The following ETV4 variants were observed in gnomAD, a reference collection of about 807,000 sequenced individuals.
ETV4 encodes ETS variant transcription factor 4, also known as ETS translocation variant 4.
A neutral mutation model predicts 65.9 loss-of-function variants in ETV4; 42 were observed. The observed-to-expected ratio is 0.64, with a 90% CI of 0.50 to 0.82. The LOEUF is 0.82. ETV4 is among the 40% of genes least tolerant of loss of function. The probability of loss-of-function intolerance (pLI) is 0.00; values close to 1 mark genes in which losing one functional copy is unlikely to be tolerated. For missense variants in ETV4, 583 were observed against 630.3 expected (o/e 0.92, Z 0.80); for synonymous variants, 238 against 260.0 (o/e 0.92, Z 0.81).
chr17:43,542,003 A>G (rs969616321), intron 4 of ETV4, among the ~76,000 whole-genome samples: 2 of 152,166 alleles, frequency 1.3e-5, no homozygotes, highest in African/African-American at 4.8e-5. Flanking sequence ...TCACTCTTGC[A>G]GCAGCAAGAC....
intron 4 of ETV4, among the ~76,000 whole-genome samples, chr17:43,537,784 G>A (rs1971321585): frequency 6.6e-6 from 1 of 152,078 alleles, no homozygotes; most frequent in South Asian, 2.1e-4. Flanking sequence ...CACGAGGTCA[G>A]GAGTTTGAGA....
In ETV4 at chr17:43,545,920, C is replaced by G. The variant is rs1033254129; in HGVS notation, c.-51-252G>C. ...TCTGCAGCCCTGCTTTACCCGGGCTCGGTTACATAAGAACGTGTGTGTGTG... is the reference window on the plus strand; with the variant it reads ...TCTGCAGCCCTGCTTTACCCGGGCTGGGTTACATAAGAACGTGTGTGTGTG... On this transcript the variant is annotated intron_variant, in intron 1 of 12. Transcript: ENST00000319349. 2.5e-5 allele frequency: 13 copies of G among 526,360 alleles called. No homozygotes were observed. The African/African-American group carries it at 2.6e-4, about 10-fold the overall frequency. The allele number at this position is 526,360 out of a possible 1,614,324, so 32.6% of individuals were successfully genotyped here.
chr17:43,529,912 A>G lies in ETV4; in HGVS notation c.927T>C (p.Asp309=), dbSNP rs2154587033. The change falls in exon 10 of 13, where the codon GAT becomes GAC. Residue 309 remains aspartate, a synonymous_variant. Coordinates refer to ENST00000319349, the MANE Select transcript of ETV4 (RefSeq NM_001079675.5). ...CAAATTTCTCAGGGACAACGCAGAC[A>G]TCATCTGGGAATGGTCGCAGAGGTT... ...YEKPLRPFPD[D]VCVVPEKFEG... 4 of 1,614,136 alleles carry G rather than the reference A, an allele frequency of 2.5e-6. No homozygotes were observed. In the East Asian group the frequency reaches 8.9e-5, roughly 36 times the overall value.
intron 2 of ETV4, 44 bp from the exon 3 acceptor site, chr17:43,545,411 T>C (rs779453944): frequency 1.3e-6 from 2 of 1,510,092 alleles, no homozygotes; most frequent in South Asian, 1.2e-5. Flanking sequence ...CCTGAGGCGC[T>C]TAGTCTGGGG....
At chr17:43,534,924 A>G (rs1223088747) in intron 5 of ETV4, among the ~76,000 whole-genome samples, 1 of 152,224 alleles carries the variant, frequency 6.6e-6, no homozygotes, top group Non-Finnish European at 1.5e-5. Context: ...CTGGGCAACA[A>G]GAGTGAAACT....
At chr17:43,533,047 G>T (rs1017026410) in intron 7 of ETV4, 108 bp from the exon 8 acceptor site, 2 of 1,495,394 alleles carry the variant, frequency 1.3e-6, no homozygotes, top group African/African-American at 1.4e-5. Context: ...GGGGGTAGGG[G>T]GTTGGGGTGT....
At chr17:43,534,100 C>G (rs1412935672) in intron 5 of ETV4, 115 bp from the exon 6 acceptor site, 2 of 1,158,784 alleles carry the variant, frequency 1.7e-6, no homozygotes, top group Non-Finnish European at 2.3e-6. Flanking sequence ...CAGCCTCCTT[C>G]CCTCTCTGGG....
rs918089102 is a variant in ETV4 at position 43,528,526 on chromosome 17, G to A, written c.1448C>T (p.Ser483Phe). The A allele has an allele frequency of 6.2e-7, 1 of 1,606,378 alleles. No individual in the cohort carries two copies. The highest frequency in any genetic ancestry group is 1.7e-5 in the Admixed American group (1 of 59,492). ...GGGAACAGCCGCTGGGGGCTAGTAA[G>A]AGTAGCCACCCTTGGGGCCAAATGG... ...AQPFGPKGGY[S>F]Y Residue 483 changes from serine (S) to phenylalanine (F), a missense_variant, in exon 13 of 13, where the codon TCT (serine) becomes TTT (phenylalanine). Ser to Phe is a radical substitution (Grantham distance 155). Transcript: ENST00000319349.
At chr17:43,546,018 C>T (rs1971808024) in intron 1 of ETV4, 167 bp downstream of exon 1, 1 of 244,454 alleles carries the variant, frequency 4.1e-6, no homozygotes, top group Admixed American at 5.3e-5. Flanking sequence ...AAGCGCACAC[C>T]ATCGCATGCC....
At chr17:43,535,153 G>T (rs936029825) in intron 5 of ETV4, among the ~76,000 whole-genome samples, 4 of 152,212 alleles carry the variant, frequency 2.6e-5, no homozygotes, top group African/African-American at 9.7e-5. Flanking sequence ...AGTTTTAACC[G>T]CAGTCCAGTC....
Position 43,529,894 on chromosome 17 carries a change from C to G in ETV4, c.945G>C (p.Glu315Asp). The G allele has an allele frequency of 6.2e-7, 1 of 1,614,162 alleles. No homozygotes were observed. The highest frequency in any genetic ancestry group is 8.5e-7 in the Non-Finnish European group (1 of 1,180,028). Residue 315 changes from glutamate (E) to aspartate (D), a missense_variant, in exon 10 of 13, where the codon GAG becomes GAC. Coordinates refer to ENST00000319349, the MANE Select transcript of ETV4 (RefSeq NM_001079675.5). ...AGTCACTTCTCTGACCTTCAAATTTCTCAGGGACAACGCAGACATCATCTG... is the reference window on the plus strand; with the variant it reads ...AGTCACTTCTCTGACCTTCAAATTTGTCAGGGACAACGCAGACATCATCTG... ...PFPDDVCVVP[E>D]KFEGDIKQEG...
intron 4 of ETV4, chr17:43,544,661 A>G (rs1354503207): frequency 1.2e-5 from 3 of 254,894 alleles, no homozygotes; most frequent in Non-Finnish European, 2.3e-5. Context: ...TACAAATGAA[A>G]ATTTCAACCA....
intron 5 of ETV4, among the ~76,000 whole-genome samples, chr17:43,535,521 C>T (rs1470412076): frequency 1.3e-5 from 2 of 152,152 alleles, no homozygotes; most frequent in African/African-American, 2.4e-5. Context: ...ATGTGATCCA[C>T]GCGCCTCAGC....
chr17:43,534,109 G>A, intron 5 of ETV4, 124 bp from the exon 6 acceptor site: 1 of 1,088,256 alleles, frequency 9.2e-7, no homozygotes, highest in Non-Finnish European at 1.2e-6. Context: ...TCCCTCTCTG[G>A]GTATCAATTT....
intron 3 of ETV4, 74 bp from the exon 4 acceptor site, chr17:43,545,096 G>A: frequency 6.7e-7 from 1 of 1,489,966 alleles, no homozygotes; most frequent in Non-Finnish European, 9.4e-7. Flanking sequence ...GCAAGACCCG[G>A]TGACTCCCCT....
chr17:43,528,438 T>C lies in ETV4; in HGVS notation c.*81A>G. The C allele has an allele frequency of 2.0e-6, 2 of 988,384 alleles. No individual in the cohort carries two copies. The highest frequency in any genetic ancestry group is 3.0e-6 in the Non-Finnish European group (2 of 672,618). 61.2% of individuals were successfully genotyped at this position (988,384 alleles called of 1,614,324 possible). ...CCCAGAGACATCTGTGGGTTTCAGATGAAGGTTTCCCCAACACCAGATTCA... is the reference window on the plus strand; with the variant it reads ...CCCAGAGACATCTGTGGGTTTCAGACGAAGGTTTCCCCAACACCAGATTCA... On this transcript the variant is annotated 3_prime_UTR_variant, in exon 13 of 13. Transcript: ENST00000319349.
intron 9 of ETV4, 21 bp from the exon 10 acceptor site, chr17:43,529,973 T>C (rs1182544049): frequency 1.9e-6 from 3 of 1,613,662 alleles, no homozygotes; most frequent in Non-Finnish European, 2.5e-6. Context: ...AAATTGGGGG[T>C]TGCTCAGATC....
chr17:43,528,707 C>T lies in ETV4; in HGVS notation c.1267G>A (p.Glu423Lys), dbSNP rs1304464107. ...GCCAAAGAGAAGAGGGCCTCGGGCTCACACACAAACTTGTACACGTAACGC... is the reference window on the plus strand; with the variant it reads ...GCCAAAGAGAAGAGGGCCTCGGGCTTACACACAAACTTGTACACGTAACGC... ...GERYVYKFVC[E>K]PEALFSLAFP... The change falls in exon 13 of 13, where the codon GAG (glutamate) becomes AAG (lysine). Residue 423 changes from glutamate (E) to lysine (K), a missense_variant. By Grantham distance (56) the Glu-to-Lys change is moderately conservative. Coordinates refer to ENST00000319349, the MANE Select transcript of ETV4 (RefSeq NM_001079675.5). 6.2e-7 allele frequency: 1 copy of T among 1,614,150 alleles called. No individual in the cohort carries two copies. Among genetic ancestry groups the T allele is most frequent in the South Asian group, 1.1e-5 (1 of 91,084 alleles).
Position 43,544,988 on chromosome 17 carries a change from CG to C in ETV4, c.188del (p.Thr63SerfsTer24). On this transcript the variant is annotated frameshift_variant, in exon 4 of 13. Transcript: ENST00000319349. LOFTEE classifies it high-confidence loss of function. ...LFQDLSHFQE[T>X]WLAEAQVPDS... ...AAAACTACTCACCTTCAGCGAGCCA[CG>C]TCTCCTGGAAGTGACTTAGATCCTG... The C allele has an allele frequency of 6.2e-7, 1 of 1,613,978 alleles. No homozygotes were observed. The highest frequency in any genetic ancestry group is 8.5e-7 in the Non-Finnish European group (1 of 1,179,978).
Sources: gnomAD v4.1 joint callset for allele counts (sites outside exome capture counted in the v4.1 genomes callset) on GRCh38, gnomAD v4.1.1 for gene constraint, MANE v1.5 for transcripts, NCBI Gene and HGNC (gene_info 2026-07-23, HGNC 2026-07-21) for gene names.